CRIM1: variants seen among roughly 807,000 people sequenced by gnomAD.
The protein encoded by CRIM1 is cysteine-rich motor neuron 1 protein.
A neutral mutation model predicts 116.4 loss-of-function variants in CRIM1; 32 were observed. The observed-to-expected ratio is 0.27, with a 90% confidence interval of 0.21 to 0.37. CRIM1 has a LOEUF of 0.37. CRIM1 is among the 10% of genes least tolerant of loss of function. CRIM1 has a pLI of 1.00. For missense variants in CRIM1, 1,331 were observed against 1,354.8 expected (o/e 0.98, Z 0.28); for synonymous variants, 590 against 509.2 (o/e 1.16, Z -2.13).
At chr2:36,360,869 G>C (rs1448232587) in intron 1 of CRIM1, among the ~76,000 whole-genome samples, 1 of 152,024 alleles carries the variant, frequency 6.6e-6, no homozygotes, top group African/African-American at 2.4e-5. Context: ...TTAAGCTCTT[G>C]GCTTTGTTTT....
chr2:36,499,191 G>C lies in CRIM1; in HGVS notation c.1373-28G>C, dbSNP rs777160324. ...CTAAAAGGTAATCATATGTTTCATT[G>C]GTTATTTTTTTCTCTATTTATTATT... On this transcript the variant is annotated intron_variant, in intron 7 of 16. Coordinates refer to ENST00000280527, the MANE Select transcript of CRIM1 (RefSeq NM_016441.3). 25 of 1,566,564 alleles carry C rather than the reference G, an allele frequency of 1.6e-5. No individual in the cohort carries two copies. In the South Asian group the frequency reaches 1.9e-4, roughly 12 times the overall value.
At chr2:36,400,070 A>G (rs541278083) in intron 2 of CRIM1, among the ~76,000 whole-genome samples, 11 of 152,302 alleles carry the variant, frequency 7.2e-5, no homozygotes, top group Admixed American at 3.3e-4. Flanking sequence ...TTTCTTGACC[A>G]TTCTGGTAGA....
intron 1 of CRIM1, among the ~76,000 whole-genome samples, chr2:36,377,521 C>T (rs1460184027): frequency 6.6e-6 from 1 of 152,194 alleles, no homozygotes; most frequent in Non-Finnish European, 1.5e-5. Context: ...AGCTCCCCAA[C>T]CTCTGTTCAT....
chr2:36,485,761 C>T (rs970790280), intron 7 of CRIM1, among the ~76,000 whole-genome samples: 2 of 152,078 alleles, frequency 1.3e-5, no homozygotes, highest in African/African-American at 4.8e-5. Context: ...TAACAGGGAT[C>T]AAAACTCAGT....
intron 7 of CRIM1, among the ~76,000 whole-genome samples, chr2:36,490,070 A>G (rs1680116131): frequency 6.6e-6 from 1 of 152,190 alleles, no homozygotes; most frequent in Non-Finnish European, 1.5e-5. Context: ...GAGACAAAAA[A>G]TGATGCTTAA....
At chr2:36,419,864 T>C (rs2124852384) in intron 2 of CRIM1, among the ~76,000 whole-genome samples, 1 of 152,350 alleles carries the variant, frequency 6.6e-6, no homozygotes, top group South Asian at 2.1e-4. Flanking sequence ...TATTCAGTGG[T>C]GACATTCAGA....
At chr2:36,359,967 G>C (rs539431793) in intron 1 of CRIM1, among the ~76,000 whole-genome samples, 1 of 152,298 alleles carries the variant, frequency 6.6e-6, no homozygotes, top group East Asian at 1.9e-4. Context: ...AAATCACCTA[G>C]AAGCCAGAGA....
chr2:36,550,107 C>T lies in CRIM1; in HGVS notation c.*1406C>T, dbSNP rs1667658471. Reference sequence around the variant, plus strand: ...CCTTGAGCAGTCAGCATTGCACCTGCTATGGAGAAGGGTATTCCTTTATTA... The same window carrying T: ...CCTTGAGCAGTCAGCATTGCACCTGTTATGGAGAAGGGTATTCCTTTATTA... On this transcript the variant is annotated 3_prime_UTR_variant, in exon 17 of 17. Transcript: ENST00000280527. 1 of 152,394 alleles carries T rather than the reference C, an allele frequency of 6.6e-6. No individual in the cohort carries two copies. The highest frequency in any genetic ancestry group is 6.6e-5 in the Admixed American group (1 of 15,264). The allele number at this position is 152,394 out of a possible 1,614,324, so 9.4% of individuals were successfully genotyped here.
chr2:36,363,242 C>T (rs13391597), intron 1 of CRIM1, among the ~76,000 whole-genome samples: 1 of 150,702 alleles, frequency 6.6e-6, no homozygotes, highest in Admixed American at 6.6e-5. Context: ...GGGGTCAAAT[C>T]TGCACTCTGC....
intron 1 of CRIM1, among the ~76,000 whole-genome samples, chr2:36,379,447 C>T (rs565447008): frequency 2.6e-5 from 4 of 152,316 alleles, no homozygotes; most frequent in South Asian, 4.1e-4. Context: ...GCTGTAGTTC[C>T]ACACTCTGCT....
Position 36,383,146 on chromosome 2 carries a change from G to A in CRIM1, c.332-13468G>A, listed in dbSNP as rs191495350. On this transcript the variant is annotated intron_variant, in intron 1 of 16. Transcript: ENST00000280527. ...AATTTATCTACTTAACTGCATGTGG[G>A]AATACATATTTCTGTAGCATGTGGA... Among the ~76,000 whole-genome samples the A allele has an allele frequency of 2.4e-3, 373 of 152,258 alleles. 2 individuals are homozygous for A. Among genetic ancestry groups the A allele is most frequent in the Non-Finnish European group, 3.0e-3 (205 of 68,012 alleles).
chr2:36,478,533 C>A (rs1553318500), intron 6 of CRIM1, among the ~76,000 whole-genome samples: 1 of 152,224 alleles, frequency 6.6e-6, no homozygotes, highest in Non-Finnish European at 1.5e-5. Flanking sequence ...TCTTCTCTTG[C>A]TCAGGTCCAT....
At chr2:36,399,595 A>G (rs193271682) in intron 2 of CRIM1, among the ~76,000 whole-genome samples, 2 of 152,364 alleles carry the variant, frequency 1.3e-5, no homozygotes, top group Admixed American at 1.3e-4. Flanking sequence ...ATAAAATGGT[A>G]CTGAAAATAG....
At chr2:36,508,913 C>T (rs886128315) in intron 8 of CRIM1, among the ~76,000 whole-genome samples, 7 of 149,708 alleles carry the variant, frequency 4.7e-5, no homozygotes, top group African/African-American at 1.8e-4. Flanking sequence ...ATTCTGCTAA[C>T]GGGATACTTT....
At chr2:36,529,181 G>C (rs1665953534) in intron 13 of CRIM1, 1 of 471,302 alleles carries the variant, frequency 2.1e-6, no homozygotes, top group Non-Finnish European at 4.4e-6. Flanking sequence ...GTACCCTCTA[G>C]TGGTCAAGGA....
At chr2:36,533,719 A>T (rs2125156588) in intron 13 of CRIM1, among the ~76,000 whole-genome samples, 1 of 152,346 alleles carries the variant, frequency 6.6e-6, no homozygotes, top group Middle Eastern at 3.4e-3. Flanking sequence ...TTACTGAAAG[A>T]GTATTTACAT....
chr2:36,450,389 C>T (rs1005178113), intron 4 of CRIM1, among the ~76,000 whole-genome samples: 6 of 152,186 alleles, frequency 3.9e-5, no homozygotes, highest in African/African-American at 1.4e-4. Flanking sequence ...TCAGCTGCTC[C>T]GTATTCATAT....
At chr2:36,428,435 A>T (rs559970264) in intron 2 of CRIM1, among the ~76,000 whole-genome samples, 5 of 152,222 alleles carry the variant, frequency 3.3e-5, no homozygotes, top group Admixed American at 6.5e-5. Flanking sequence ...TCTCTAATTC[A>T]TCTTTTTTGT....
chr2:36,472,804 T>TC (rs1678637822), intron 5 of CRIM1, among the ~76,000 whole-genome samples: 1 of 152,242 alleles, frequency 6.6e-6, no homozygotes, highest in African/African-American at 2.4e-5. Context: ...ATAAAAGTAC[T>TC]CCGTTTTCTA....
Sources: allele counts gnomAD v4.1 joint callset (sites outside exome capture counted in the v4.1 genomes callset), GRCh38; gene constraint gnomAD v4.1.1; transcripts MANE v1.5; gene names NCBI Gene and HGNC (gene_info 2026-07-23, HGNC 2026-07-21).